ZNF428: variants seen among roughly 807,000 people sequenced by gnomAD.
The protein encoded by ZNF428 is zinc finger protein 428, also known as enzyme-like protein PIT13.
In ZNF428, 5 loss-of-function variants were observed where a neutral mutation model predicts 15.6. That is an observed-to-expected ratio of 0.32 (90% confidence interval 0.17 to 0.67). The LOEUF is 0.67. Ranked by LOEUF, ZNF428 falls within the 30% of genes least tolerant of loss-of-function variation. The pLI is 0.73. For missense variants in ZNF428, 237 were observed against 256.0 expected (o/e 0.93, Z 0.51); for synonymous variants, 97 against 102.2 (o/e 0.95, Z 0.31).
At position 43,612,881 on chromosome 19, in the gene ZNF428, G is replaced by A. The variant is rs1179560962; in HGVS notation, c.76+1348C>T. ...CGGTCAGATGATCATCCCCAGTAGGGAAAAGAGTTACAGCCCCACTGAAAT... is the reference window on the plus strand; with the variant it reads ...CGGTCAGATGATCATCCCCAGTAGGAAAAAGAGTTACAGCCCCACTGAAAT... On this transcript the variant is annotated intron_variant, in intron 2 of 2. Transcript: ENST00000300811. The surrounding 1 kb of genome is among the most constrained non-coding windows in gnomAD (Gnocchi z 4.2). 2.6e-6 allele frequency: 4 copies of A among 1,551,568 alleles called. No homozygotes were observed. In the African/African-American group the frequency reaches 4.1e-5, roughly 16 times the overall value.
chr19:43,614,408 CAGGATGTTGGCAGGTAGAGA>C lies in ZNF428; in HGVS notation c.-124_-105del. 6.7e-7 allele frequency: 1 copy of C among 1,482,854 alleles called. No homozygotes were observed. 91.9% of individuals were successfully genotyped at this position (1,482,854 alleles called of 1,614,324 possible). On this transcript the variant is annotated 5_prime_UTR_variant, in exon 2 of 3. Transcript: ENST00000300811. Reference sequence around the variant, plus strand: ...ACCTCCGGCCACAAGTTCTCTAATACAGGATGTTGGCAGGTAGAGAGGGATGCTGGATAGGGGGAAAGGAA... The same window carrying C: ...ACCTCCGGCCACAAGTTCTCTAATACGGGATGCTGGATAGGGGGAAAGGAA...
Position 43,612,673 on chromosome 19 carries a change from T to A in ZNF428, c.76+1556A>T. ...CTAGAACCAGCAACAGGGAAAGGAGTGACAGCCAGCCTAGAAATCTGAGCA... is the reference window on the plus strand; with the variant it reads ...CTAGAACCAGCAACAGGGAAAGGAGAGACAGCCAGCCTAGAAATCTGAGCA... On this transcript the variant is annotated intron_variant, in intron 2 of 2. Transcript: ENST00000300811. The surrounding 1 kb of genome is among the most constrained non-coding windows in gnomAD (Gnocchi z 4.2). 1 of 1,550,402 alleles carries A rather than the reference T, an allele frequency of 6.4e-7. No homozygotes were observed. The highest frequency in any genetic ancestry group is 8.7e-7 in the Non-Finnish European group (1 of 1,146,732).
At chr19:43,618,996 A>C (rs1973403249) in intron 1 of ZNF428, among the ~76,000 whole-genome samples, 2 of 152,076 alleles carry the variant, frequency 1.3e-5, no homozygotes, top group South Asian at 4.1e-4. Context: ...TATGGCAGCC[A>C]AACTGAAAGG....
At position 43,607,382 on chromosome 19, in the gene ZNF428, CACACACACACACAA is replaced by C. The variant is rs1002371532; in HGVS notation, c.*221_*234del. Reference sequence around the variant, plus strand: ...GGAGCCCAGGGGGAATACACACACACACACACACACACAAACACACACACGGGCGGGAATACACA... The same window carrying C: ...GGAGCCCAGGGGGAATACACACACACACACACACACGGGCGGGAATACACA... On this transcript the variant is annotated 3_prime_UTR_variant, in exon 3 of 3. Coordinates refer to ENST00000300811, the MANE Select transcript of ZNF428 (RefSeq NM_182498.4). This position sits in a 1 kb window ranked among gnomAD's most constrained non-coding sequence, Gnocchi z 5.1. 5.8e-6 allele frequency: 3 copies of C among 513,288 alleles called. No individual in the cohort carries two copies. Among genetic ancestry groups the C allele is most frequent in the Non-Finnish European group, 9.9e-6 (3 of 301,858 alleles). The allele number at this position is 513,288 out of a possible 1,614,324, so 31.8% of individuals were successfully genotyped here.
rs1365285592 is a variant in ZNF428 at position 43,612,755 on chromosome 19, G to T, written c.76+1474C>A. ...TATAGGGAGGAGTTCCGAGCTGGCT[G>T]TAACTCCCAGTACAGCCAAGTGTCA... On this transcript the variant is annotated intron_variant, in intron 2 of 2. Transcript: ENST00000300811. The surrounding 1 kb of genome is among the most constrained non-coding windows in gnomAD (Gnocchi z 4.2). 5 of 1,551,506 alleles carry T rather than the reference G, an allele frequency of 3.2e-6. No homozygotes were observed. The highest frequency in any genetic ancestry group is 4.4e-6 in the Non-Finnish European group (5 of 1,146,988).
intron 2 of ZNF428, 110 bp downstream of exon 2, chr19:43,614,119 A>G: frequency 6.2e-7 from 1 of 1,600,952 alleles, no homozygotes; most frequent in African/African-American, 1.3e-5. Context: ...GTCAGAATAG[A>G]ACCCCTAGCA....
At chr19:43,619,405 A>G (rs941056216) in intron 1 of ZNF428, among the ~76,000 whole-genome samples, 153 bp downstream of exon 1, 2 of 152,232 alleles carry the variant, frequency 1.3e-5, no homozygotes, top group Non-Finnish European at 1.5e-5. Flanking sequence ...CCAGGGCGGC[A>G]CAAACGCGTA....
chr19:43,613,929 G>A, intron 2 of ZNF428: 2 of 1,551,674 alleles, frequency 1.3e-6, no homozygotes, highest in South Asian at 2.4e-5. Flanking sequence ...AATAAGCAGA[G>A]TGGTTACAGT....
chr19:43,609,411 G>A (rs1438438678), intron 2 of ZNF428, among the ~76,000 whole-genome samples: 1 of 115,714 alleles, frequency 8.6e-6, no homozygotes, highest in Non-Finnish European at 1.8e-5. Context: ...TTATAGGTAA[G>A]ATATATTACT....
intron 2 of ZNF428, chr19:43,608,380 C>T (rs2146112948): frequency 2.7e-6 from 1 of 366,112 alleles, no homozygotes; most frequent in South Asian, 5.4e-5. Flanking sequence ...GTAATCCCAG[C>T]ACTTTTGGGT....
In ZNF428 at chr19:43,612,881, G is replaced by GA. The variant is rs919117973; in HGVS notation, c.76+1347dup. Reference sequence around the variant, plus strand: ...CGGTCAGATGATCATCCCCAGTAGGGAAAAGAGTTACAGCCCCACTGAAAT... The same window carrying GA: ...CGGTCAGATGATCATCCCCAGTAGGGAAAAAGAGTTACAGCCCCACTGAAAT... On this transcript the variant is annotated intron_variant, in intron 2 of 2. Transcript: ENST00000300811. The surrounding 1 kb of genome is among the most constrained non-coding windows in gnomAD (Gnocchi z 4.2). 11 of 1,551,686 alleles carry GA rather than the reference G, an allele frequency of 7.1e-6. No individual in the cohort carries two copies. The African/African-American group carries it at 1.4e-4, about 19-fold the overall frequency.
At chr19:43,608,252 A>C in intron 2 of ZNF428, 145 bp from the exon 3 acceptor site, 1 of 1,087,090 alleles carries the variant, frequency 9.2e-7, no homozygotes, top group South Asian at 1.6e-5. Context: ...CCCACAGATG[A>C]GTCCCCATGG....
Position 43,612,138 on chromosome 19 carries a change from G to T in ZNF428, c.76+2091C>A. The T allele has an allele frequency of 1.3e-6, 2 of 1,551,638 alleles. No individual in the cohort carries two copies. Among genetic ancestry groups the T allele is most frequent in the South Asian group, 1.2e-5 (1 of 84,062 alleles). On this transcript the variant is annotated intron_variant, in intron 2 of 2. Coordinates refer to ENST00000300811, the MANE Select transcript of ZNF428 (RefSeq NM_182498.4). The surrounding 1 kb of genome is among the most constrained non-coding windows in gnomAD (Gnocchi z 4.2). ...GCGCCCACCATGTCTTCACCTAAGA[G>T]ATCTTCAAAGCCCAGTATGTCTCTG...
chr19:43,613,401 G>T (rs192490029), intron 2 of ZNF428: 1 of 1,530,216 alleles, frequency 6.5e-7, no homozygotes, highest in South Asian at 1.2e-5. Flanking sequence ...GATCGCAGCC[G>T]ATCTAGAAGT....
chr19:43,607,378 CACACACACACACACACAA>C lies in ZNF428; in HGVS notation c.*221_*238del, dbSNP rs1973248415. The C allele has an allele frequency of 6.5e-6, 3 of 464,928 alleles. No individual in the cohort carries two copies. The highest frequency in any genetic ancestry group is 1.1e-5 in the Non-Finnish European group (3 of 279,456). 28.8% of individuals were successfully genotyped at this position (464,928 alleles called of 1,614,324 possible). A position where few individuals can be genotyped will look rare whatever the true frequency, so the allele number is the denominator to read the frequency against. ...AGAAGGAGCCCAGGGGGAATACACA[CACACACACACACACACAA>C]ACACACACACGGGCGGGAATACACA... On this transcript the variant is annotated 3_prime_UTR_variant, in exon 3 of 3. Transcript: ENST00000300811. This position sits in a 1 kb window ranked among gnomAD's most constrained non-coding sequence, Gnocchi z 5.1.
intron 1 of ZNF428, among the ~76,000 whole-genome samples, chr19:43,618,788 T>G (rs963668021): frequency 6.6e-6 from 1 of 152,084 alleles, no homozygotes; most frequent in African/African-American, 2.4e-5. Flanking sequence ...TATCTGAAAT[T>G]CAAATTTAAC....
intron 1 of ZNF428, among the ~76,000 whole-genome samples, chr19:43,616,546 T>C (rs1288836596): frequency 9.9e-5 from 15 of 152,186 alleles, no homozygotes; most frequent in African/African-American, 3.4e-4. Context: ...ATCTGGTAAG[T>C]GGATGAACTA....
chr19:43,613,744 G>A (rs1973337530), intron 2 of ZNF428: 6 of 1,550,974 alleles, frequency 3.9e-6, no homozygotes, highest in Middle Eastern at 1.7e-4. Context: ...GCCCCAACAA[G>A]GAGAGAGATC....
At chr19:43,614,493 TC>T in intron 1 of ZNF428, 59 bp from the exon 2 acceptor site, 2 of 1,405,830 alleles carry the variant, frequency 1.4e-6, no homozygotes, top group Non-Finnish European at 1.9e-6. Flanking sequence ...ATAGCACCCA[TC>T]CCCACCAAGC....
Sources: allele counts gnomAD v4.1 joint callset (sites outside exome capture counted in the v4.1 genomes callset), GRCh38; gene constraint gnomAD v4.1.1; non-coding constraint Gnocchi (gnomAD v3.1); transcripts MANE v1.5; gene names NCBI Gene and HGNC (gene_info 2026-07-23, HGNC 2026-07-21).